BNC2: variants seen among roughly 807,000 people sequenced by gnomAD.
BNC2 encodes the protein zinc finger protein basonuclin-2.
Under a neutral mutation model 76.3 loss-of-function variants are expected in BNC2, and 20 were observed. The ratio of observed to expected loss-of-function variants is 0.26; its 90% CI spans 0.18 to 0.38. The LOEUF (loss-of-function observed/expected upper bound fraction) is 0.38, where lower values mean the gene tolerates loss of function less well. Among genes scored for constraint, BNC2 ranks in the 10% least tolerant of loss-of-function variants. BNC2 has a pLI of 1.00. For synonymous variants in BNC2, 582 were observed against 514.8 expected (o/e 1.13, Z -1.77); for missense variants, 1,382 against 1,399.8 (o/e 0.99, Z 0.20).
At chr9:16,454,358 A>G (rs1821403468) in intron 5 of BNC2, among the ~76,000 whole-genome samples, 1 of 99,376 alleles carries the variant, frequency 1.0e-5, no homozygotes, top group Admixed American at 9.9e-5. Context: ...GCTGGAGTGC[A>G]GTGGTGTGAT....
intron 5 of BNC2, among the ~76,000 whole-genome samples, chr9:16,458,237 T>A (rs1483686313): frequency 6.6e-6 from 1 of 152,184 alleles, no homozygotes; most frequent in Non-Finnish European, 1.5e-5. Flanking sequence ...TCATTTCCTT[T>A]AGAGAGCAGC....
chr9:16,857,982 C>T (rs1819304626), intron 1 of BNC2, among the ~76,000 whole-genome samples: 1 of 152,148 alleles, frequency 6.6e-6, no homozygotes, highest in African/African-American at 2.4e-5. Context: ...ACAAAATTTG[C>T]CAGGTAAACT....
intron 1 of BNC2, among the ~76,000 whole-genome samples, chr9:16,742,492 C>T (rs933283478): frequency 4.6e-5 from 7 of 152,168 alleles, no homozygotes; most frequent in Admixed American, 3.9e-4. Flanking sequence ...TGGCCAACAT[C>T]AGCAACCGCC....
intron 3 of BNC2, among the ~76,000 whole-genome samples, chr9:16,651,426 C>T (rs1821791737): frequency 6.6e-6 from 1 of 152,114 alleles, no homozygotes; most frequent in South Asian, 2.1e-4. Flanking sequence ...TTTACTATTA[C>T]TTCAAATGAT....
chr9:16,775,440 G>C (rs1348573974), intron 1 of BNC2: 1 of 151,664 alleles, frequency 6.6e-6, no homozygotes, highest in Non-Finnish European at 1.5e-5. Flanking sequence ...TTGTATGTGT[G>C]CTAGAATTAA....
chr9:16,751,645 T>C (rs1825205107), intron 1 of BNC2, among the ~76,000 whole-genome samples: 1 of 13,540 alleles, frequency 7.4e-5, no homozygotes, highest in Non-Finnish European at 3.1e-4. Context: ...TATATATGTA[T>C]GTGTGTATAT....
intron 1 of BNC2, among the ~76,000 whole-genome samples, chr9:16,768,904 AG>A (rs1235100154): frequency 6.6e-6 from 1 of 152,226 alleles, no homozygotes; most frequent in Non-Finnish European, 1.5e-5. Flanking sequence ...AAAGCAGAGC[AG>A]GAAACCTTAA....
intron 5 of BNC2, among the ~76,000 whole-genome samples, chr9:16,460,345 G>A (rs992795667): frequency 2.6e-5 from 4 of 151,568 alleles, no homozygotes; most frequent in African/African-American, 9.7e-5. Context: ...AAATAAGGCC[G>A]GGCACAGTGG....
chr9:16,739,385 T>C (rs1339466147), intron 1 of BNC2, among the ~76,000 whole-genome samples: 1 of 152,124 alleles, frequency 6.6e-6, no homozygotes, highest in Non-Finnish European at 1.5e-5. Flanking sequence ...GACATTAAAA[T>C]AGGCCGGGCA....
At chr9:16,685,496 C>T (rs1563898001) in intron 3 of BNC2, 6 of 1,206,568 alleles carry the variant, frequency 5.0e-6, no homozygotes, top group Admixed American at 2.3e-5. Flanking sequence ...TCCAGGACCA[C>T]TGTTTCTGTC....
At chr9:16,439,017 T>C (rs1821075164) in intron 5 of BNC2, among the ~76,000 whole-genome samples, 1 of 152,176 alleles carries the variant, frequency 6.6e-6, no homozygotes, top group Admixed American at 6.5e-5. Flanking sequence ...TCCCGTACTG[T>C]TCCTATGACA....
At chr9:16,538,042 C>T (rs1043236554) in intron 5 of BNC2, among the ~76,000 whole-genome samples, 1 of 152,160 alleles carries the variant, frequency 6.6e-6, no homozygotes, top group African/African-American at 2.4e-5. Context: ...AATTTTGATA[C>T]TCCAGACGTC....
intron 5 of BNC2, among the ~76,000 whole-genome samples, chr9:16,506,310 A>T (rs555245773): frequency 7.9e-5 from 12 of 152,216 alleles, no homozygotes; most frequent in African/African-American, 2.9e-4. Flanking sequence ...GACCTTCAGG[A>T]AGACAACCAT....
intron 1 of BNC2, among the ~76,000 whole-genome samples, chr9:16,774,094 G>T (rs1037249616): frequency 1.2e-4 from 18 of 152,066 alleles, no homozygotes; most frequent in African/African-American, 4.1e-4. Context: ...GGAGTCTCAT[G>T]CCTTATCCTC....
chr9:16,811,931 T>C (rs1436848705), intron 1 of BNC2, among the ~76,000 whole-genome samples: 1 of 152,174 alleles, frequency 6.6e-6, no homozygotes, highest in Non-Finnish European at 1.5e-5. Context: ...GAGGTATACA[T>C]ACCTGATTTC....
At chr9:16,517,469 C>G (rs575016190) in intron 5 of BNC2, among the ~76,000 whole-genome samples, 1 of 152,244 alleles carries the variant, frequency 6.6e-6, no homozygotes, top group East Asian at 1.9e-4. Context: ...CAATTCTGAT[C>G]ATGAGTATGT....
At chr9:16,777,004 T>C (rs1825986695) in intron 1 of BNC2, among the ~76,000 whole-genome samples, 1 of 152,024 alleles carries the variant, frequency 6.6e-6, no homozygotes, top group Admixed American at 6.6e-5. Flanking sequence ...CACACGCCTG[T>C]AATCCCAGCT....
At chr9:16,555,125 T>C (rs1818784153) in intron 4 of BNC2, among the ~76,000 whole-genome samples, 1 of 152,036 alleles carries the variant, frequency 6.6e-6, no homozygotes, top group African/African-American at 2.4e-5. Context: ...TTTCACGCCA[T>C]TCTCCTGCCT....
intron 5 of BNC2, among the ~76,000 whole-genome samples, chr9:16,510,737 GTTATCAAATTTT>G (rs1822735352): frequency 6.6e-6 from 1 of 152,140 alleles, no homozygotes; most frequent in Admixed American, 6.5e-5. Context: ...ACCTACAAAT[GTTATCAAATTTT>G]ATCACTGAGT....
Sources: gnomAD v4.1 joint callset for allele counts (sites outside exome capture counted in the v4.1 genomes callset) on GRCh38, gnomAD v4.1.1 for gene constraint, MANE v1.5 for transcripts, NCBI Gene and HGNC (gene_info 2026-07-23, HGNC 2026-07-21) for gene names.